RIPOR3: variants seen among roughly 807,000 people sequenced by gnomAD.
RIPOR3 encodes the protein family with sequence similarity 65 member C.
In RIPOR3, 95 loss-of-function variants were observed where a neutral mutation model predicts 114.3. The observed-to-expected ratio is 0.83, with a 90% CI of 0.70 to 0.99. The LOEUF is 0.99. RIPOR3 is among the 50% of genes least tolerant of loss of function. The pLI, the probability that RIPOR3 is intolerant of heterozygous loss-of-function variation, is 0.00. For missense variants in RIPOR3, 1,252 were observed against 1,266.9 expected, an observed-to-expected ratio of 0.99 and a Z score of 0.18; for synonymous variants, 575 against 543.8, an observed-to-expected ratio of 1.06 and a Z score of -0.80.
intron 1 of RIPOR3, among the ~76,000 whole-genome samples, chr20:50,675,484 G>T (rs1330807075): frequency 1.3e-5 from 2 of 152,194 alleles, no homozygotes; most frequent in Non-Finnish European, 2.9e-5. Context: ...CTCATAGCTG[G>T]ATCTAGATTT....
intron 3 of RIPOR3, among the ~76,000 whole-genome samples, chr20:50,617,400 C>T (rs1005001201): frequency 1.3e-5 from 2 of 152,110 alleles, no homozygotes; most frequent in Admixed American, 6.6e-5. Context: ...CCTTCAGAAA[C>T]ATGCTCTATC....
intron 1 of RIPOR3, among the ~76,000 whole-genome samples, chr20:50,689,235 G>A (rs1387934616): frequency 1.3e-5 from 2 of 148,876 alleles, no homozygotes; most frequent in East Asian, 2.0e-4. Flanking sequence ...GGAGTGCAGT[G>A]GCACGATCTC....
At chr20:50,653,618 T>C (rs1173220845) in intron 1 of RIPOR3, among the ~76,000 whole-genome samples, 1 of 145,918 alleles carries the variant, frequency 6.9e-6, no homozygotes, top group African/African-American at 2.5e-5. Flanking sequence ...CGAGACAGGG[T>C]CTCCCTCTGT....
At chr20:50,625,269 A>C (rs2084576736) in intron 2 of RIPOR3, among the ~76,000 whole-genome samples, 2 of 152,108 alleles carry the variant, frequency 1.3e-5, no homozygotes, top group South Asian at 4.2e-4. Flanking sequence ...ACAGGGTTTC[A>C]CCATGTTGCC....
chr20:50,619,646 CTG>C (rs962336538), intron 3 of RIPOR3, among the ~76,000 whole-genome samples: 3 of 152,366 alleles, frequency 2.0e-5, no homozygotes, highest in African/African-American at 7.2e-5. Context: ...CCTCGACGCA[CTG>C]TCTCTCTGTT....
chr20:50,601,721 C>A (rs1023626119), intron 13 of RIPOR3, among the ~76,000 whole-genome samples: 20 of 152,072 alleles, frequency 1.3e-4, no homozygotes, highest in African/African-American at 4.1e-4. Flanking sequence ...CTGTGTGGGG[C>A]CTTCCATGGA....
intron 6 of RIPOR3, 127 bp from the exon 7 acceptor site, chr20:50,609,849 G>T: frequency 9.1e-7 from 1 of 1,095,844 alleles, no homozygotes; most frequent in African/African-American, 1.7e-5. Flanking sequence ...AGCCCATGGT[G>T]ACAGTCACTA....
intron 1 of RIPOR3, among the ~76,000 whole-genome samples, chr20:50,679,782 C>A (rs1451758461): frequency 6.3e-5 from 7 of 111,674 alleles, no homozygotes; most frequent in South Asian, 6.0e-4. Context: ...AAAAAAAAAA[C>A]CGTCTCTACT....
At chr20:50,681,008 T>C (rs1600767888) in intron 1 of RIPOR3, among the ~76,000 whole-genome samples, 1 of 152,068 alleles carries the variant, frequency 6.6e-6, no homozygotes, top group Non-Finnish European at 1.5e-5. Flanking sequence ...TGAATCTATT[T>C]CAGCTCAGGA....
chr20:50,618,754 C>T (rs2084282660), intron 3 of RIPOR3, among the ~76,000 whole-genome samples: 2 of 152,140 alleles, frequency 1.3e-5, no homozygotes, highest in Non-Finnish European at 2.9e-5. Context: ...TTACTTCTGT[C>T]CCCTGGCCTG....
intron 2 of RIPOR3, among the ~76,000 whole-genome samples, chr20:50,624,974 C>A (rs573934340): frequency 7.5e-4 from 115 of 152,352 alleles, no homozygotes; most frequent in African/African-American, 2.6e-3. Context: ...GTGAGCCAAC[C>A]ATTTACCCAG....
chr20:50,670,036 A>G, intron 1 of RIPOR3, among the ~76,000 whole-genome samples: 1 of 151,672 alleles, frequency 6.6e-6, no homozygotes, highest in Admixed American at 6.6e-5. Context: ...AGGCGCCTGT[A>G]ATCCCAGCTA....
intron 3 of RIPOR3, among the ~76,000 whole-genome samples, chr20:50,616,913 T>C (rs565132178): frequency 1.1e-4 from 16 of 152,162 alleles, no homozygotes; most frequent in South Asian, 4.2e-4. Context: ...GAGGCCGAGG[T>C]GGGCGGATCA....
At position 50,663,476 on chromosome 20, in the gene RIPOR3, C is replaced by T. The variant is rs1028717791; in HGVS notation, c.3+27650G>A. Among the ~76,000 whole-genome samples, 16 of 152,322 alleles carry T rather than the reference C, an allele frequency of 1.1e-4. 1 individual carries two copies. In the East Asian group the frequency reaches 2.1e-3, roughly 20 times the overall value. On this transcript the variant is annotated intron_variant, in intron 1 of 21. Coordinates refer to ENST00000327979, the MANE Select transcript of RIPOR3 (RefSeq NM_001290268.2). Reference sequence around the variant, plus strand: ...TGCAGCGTCTGATCATAGGGAATAACTCTACCTGCTTCACAGGACTATTCT... The same window carrying T: ...TGCAGCGTCTGATCATAGGGAATAATTCTACCTGCTTCACAGGACTATTCT...
chr20:50,682,098 C>A (rs1304957844), intron 1 of RIPOR3, among the ~76,000 whole-genome samples: 4 of 152,204 alleles, frequency 2.6e-5, no homozygotes, highest in Non-Finnish European at 5.9e-5. Flanking sequence ...ACTTGAGACA[C>A]ACTCCTGTAT....
chr20:50,609,576 G>T lies in RIPOR3; in HGVS notation c.573C>A (p.Ala191=), dbSNP rs1349932323. 7.0e-7 allele frequency: 1 copy of T among 1,423,988 alleles called. No homozygotes were observed. Among genetic ancestry groups the T allele is most frequent in the Non-Finnish European group, 9.2e-7 (1 of 1,092,844 alleles). The allele number at this position is 1,423,988 out of a possible 1,614,324, so 88.2% of individuals were successfully genotyped here. The part of the protein sequence containing the change: ...QELGRSLHEC[A]EDMWLIEGAL... ...AGCCCAGCTTGGCCCGGCCCACCTCGGCGCACTCGTGCAGGCTGCGGCCCA... is the reference window on the plus strand; with the variant it reads ...AGCCCAGCTTGGCCCGGCCCACCTCTGCGCACTCGTGCAGGCTGCGGCCCA... The change falls in exon 7 of 22, where the codon GCC becomes GCA. Residue 191 remains alanine (A), a synonymous_variant. Coordinates refer to ENST00000327979, the MANE Select transcript of RIPOR3 (RefSeq NM_001290268.2).
intron 5 of RIPOR3, 137 bp from the exon 6 acceptor site, chr20:50,611,043 A>G: frequency 1.4e-6 from 2 of 1,392,840 alleles, no homozygotes; most frequent in Non-Finnish European, 2.0e-6. Flanking sequence ...CTCATCGCAG[A>G]GACTCAGCCT....
chr20:50,607,813 G>A (rs1441606636), intron 11 of RIPOR3, among the ~76,000 whole-genome samples: 3 of 152,182 alleles, frequency 2.0e-5, no homozygotes, highest in Non-Finnish European at 4.4e-5. Flanking sequence ...ACAGAGCAGA[G>A]GAGTGTCCTC....
chr20:50,671,898 GTGGAAGGAAGAAAAGATGGATGGATGGA>G lies in RIPOR3; in HGVS notation c.3+19200_3+19227del, dbSNP rs556321649. Among the ~76,000 whole-genome samples the G allele has an allele frequency of 6.9e-3, 1,040 of 151,052 alleles. 10 individuals carry two copies. Among genetic ancestry groups the G allele is most frequent in the African/African-American group, 0.024 (991 of 41,038 alleles). ...AATTGGTGGATGGATAGATGGATGG[GTGGAAGGAAGAAAAGATGGATGGATGGA>G]TGGATGGATGGATAGGTGGATGAGT... is the stretch of plus-strand genomic sequence containing the variant. On this transcript the variant is annotated intron_variant, in intron 1 of 21. Coordinates refer to ENST00000327979, the MANE Select transcript of RIPOR3 (RefSeq NM_001290268.2).
Sources: allele counts gnomAD v4.1 joint callset (sites outside exome capture counted in the v4.1 genomes callset), GRCh38; gene constraint gnomAD v4.1.1; transcripts MANE v1.5; gene names NCBI Gene and HGNC (gene_info 2026-07-23, HGNC 2026-07-21).